CCSER1: variants seen among roughly 807,000 people sequenced by gnomAD.
CCSER1 encodes the protein serine-rich coiled-coil domain-containing protein 1.
In CCSER1, 41 loss-of-function variants were observed where a neutral mutation model predicts 82.0. The observed-to-expected ratio is 0.50, with a 90% CI of 0.39 to 0.65. CCSER1 has a LOEUF of 0.65. Ranked by LOEUF, CCSER1 falls within the 30% of genes least tolerant of loss-of-function variation. CCSER1 has a pLI of 0.00. For missense variants in CCSER1, 1,119 were observed against 1,064.2 expected (o/e 1.05, Z -0.72); for synonymous variants, 414 against 383.9 (o/e 1.08, Z -0.92).
chr4:91,231,546 G>C (rs1018883677), intron 10 of CCSER1, among the ~76,000 whole-genome samples: 1 of 151,576 alleles, frequency 6.6e-6, no homozygotes, highest in African/African-American at 2.4e-5. Flanking sequence ...GAGTAGAGAA[G>C]GTGTTGTAGA....
chr4:90,324,063 C>G (rs1211515157), intron 3 of CCSER1, among the ~76,000 whole-genome samples: 1 of 152,144 alleles, frequency 6.6e-6, no homozygotes, highest in African/African-American at 2.4e-5. Flanking sequence ...TTGATCCAGT[C>G]TATCATGGTT....
chr4:91,597,614 TTAATA>T (rs1168291108), intron 10 of CCSER1, among the ~76,000 whole-genome samples: 14 of 152,248 alleles, frequency 9.2e-5, no homozygotes, highest in African/African-American at 3.1e-4. Flanking sequence ...ATTAGTAATA[TTAATA>T]TAAGTAATAT....
chr4:90,997,813 G>T (rs977565995), intron 9 of CCSER1, among the ~76,000 whole-genome samples: 1 of 152,046 alleles, frequency 6.6e-6, no homozygotes, highest in Non-Finnish European at 1.5e-5. Flanking sequence ...CTTTACAAAG[G>T]CTACACTGAG....
chr4:91,192,040 C>T (rs76038667), intron 10 of CCSER1, among the ~76,000 whole-genome samples: 2,716 of 152,182 alleles, frequency 0.018, 61 homozygotes, highest in African/African-American at 0.053. Flanking sequence ...TCTTCTACAG[C>T]AAATTGACTT....
At chr4:91,165,062 T>C (rs1170668298) in intron 10 of CCSER1, among the ~76,000 whole-genome samples, 1 of 152,230 alleles carries the variant, frequency 6.6e-6, no homozygotes, top group Non-Finnish European at 1.5e-5. Flanking sequence ...TCCCCATCTT[T>C]GTGGTTTTAT....
chr4:91,411,483 C>CATATATAT (rs1292774196), intron 10 of CCSER1, among the ~76,000 whole-genome samples: 3 of 69,246 alleles, frequency 4.3e-5, no homozygotes, highest in Non-Finnish European at 5.6e-5. Context: ...TAAATTTCTG[C>CATATATAT]ATATATACAT....
chr4:90,363,549 C>G (rs1025443850), intron 3 of CCSER1, among the ~76,000 whole-genome samples: 3 of 151,874 alleles, frequency 2.0e-5, no homozygotes, highest in African/African-American at 7.3e-5. Context: ...GACTACTTAT[C>G]CAAATGCAAC....
chr4:90,388,262 CAA>C (rs1750395279), intron 3 of CCSER1, among the ~76,000 whole-genome samples: 1 of 151,968 alleles, frequency 6.6e-6, no homozygotes. Flanking sequence ...TTATTTGACA[CAA>C]GAGTGACATA....
chr4:91,496,573 T>C lies in CCSER1; in HGVS notation c.2218-101999T>C. ...AGTTGGCATAAATCTTGTATATATA[T>C]ATATATATATATACACGAATATATA... On this transcript the variant is annotated intron_variant, in intron 10 of 10. Coordinates refer to ENST00000509176, the MANE Select transcript of CCSER1 (RefSeq NM_001145065.2). 2.5e-5 allele frequency among the ~76,000 whole-genome samples: 2 copies of C among 78,932 alleles called. 1 individual carries two copies. The highest frequency in any genetic ancestry group is 5.5e-5 in the Non-Finnish European group (2 of 36,656). The allele number at this position is 78,932 out of a possible 152,430, so 51.8% of individuals were successfully genotyped here. A position where few individuals can be genotyped will look rare whatever the true frequency, so the allele number is the denominator to read the frequency against.
In CCSER1 at chr4:90,613,426, G is replaced by C. The variant is rs2148833699; in HGVS notation, c.1725-14599G>C. Among the ~76,000 whole-genome samples the C allele has an allele frequency of 2.0e-5, 3 of 152,200 alleles. No individual in the cohort carries two copies. The South Asian group carries it at 6.2e-4, about 32-fold the overall frequency. ...AAATGTAGTATCCTTTCAAGAGGTG[G>C]GCATCTCACAAGTTCATGAATCTGA... On this transcript the variant is annotated intron_variant, in intron 5 of 10. Transcript: ENST00000509176.
chr4:90,938,106 G>A (rs539666368), intron 9 of CCSER1, among the ~76,000 whole-genome samples: 134 of 152,086 alleles, frequency 8.8e-4, no homozygotes, highest in Non-Finnish European at 1.4e-3. Context: ...TGTAAAAAGG[G>A]TGACATATTT....
chr4:90,343,017 T>C lies in CCSER1; in HGVS notation c.1509+29970T>C, dbSNP rs573228701. ...GCCTCTCTTCTTCTTCACTGCATTTTCCCCCAAATGATTTAATTAACTTCA... is the reference window on the plus strand; with the variant it reads ...GCCTCTCTTCTTCTTCACTGCATTTCCCCCCAAATGATTTAATTAACTTCA... On this transcript the variant is annotated intron_variant, in intron 3 of 10. Coordinates refer to ENST00000509176, the MANE Select transcript of CCSER1 (RefSeq NM_001145065.2). Among the ~76,000 whole-genome samples, 30 of 151,990 alleles carry C rather than the reference T, an allele frequency of 2.0e-4. 1 individual carries two copies. In the South Asian group the frequency reaches 4.4e-3, roughly 22 times the overall value.
chr4:91,489,265 A>G (rs1043339237), intron 10 of CCSER1, among the ~76,000 whole-genome samples: 1 of 152,166 alleles, frequency 6.6e-6, no homozygotes, highest in Non-Finnish European at 1.5e-5. Flanking sequence ...AATGTAGATG[A>G]GTAAGAGCAG....
chr4:90,214,178 A>G (rs1297410780), intron 1 of CCSER1, among the ~76,000 whole-genome samples: 2 of 152,138 alleles, frequency 1.3e-5, no homozygotes, highest in Non-Finnish European at 2.9e-5. Flanking sequence ...CTGGCCTTGG[A>G]TAGACACAGG....
At chr4:90,482,727 A>T (rs913453544) in intron 5 of CCSER1, among the ~76,000 whole-genome samples, 2 of 152,026 alleles carry the variant, frequency 1.3e-5, no homozygotes, top group African/African-American at 4.8e-5. Context: ...TTGCACTGTG[A>T]TCTGAGAGAC....
At chr4:91,424,852 G>T (rs187030636) in intron 10 of CCSER1, among the ~76,000 whole-genome samples, 41 of 152,148 alleles carry the variant, frequency 2.7e-4, no homozygotes, top group African/African-American at 8.4e-4. Context: ...TGTAGAAAAA[G>T]AAAATGTTTT....
chr4:91,565,026 T>TTGTGTGTG (rs56723869), intron 10 of CCSER1, among the ~76,000 whole-genome samples: 18 of 131,122 alleles, frequency 1.4e-4, no homozygotes, highest in South Asian at 1.2e-3. Context: ...GCACCTTGAG[T>TTGTGTGTG]TGTGTGTGTG....
chr4:90,443,508 G>A (rs1238812426), intron 4 of CCSER1, among the ~76,000 whole-genome samples: 1 of 152,056 alleles, frequency 6.6e-6, no homozygotes, highest in South Asian at 2.1e-4. Flanking sequence ...CTCAGAATGG[G>A]GTTATTTCTG....
chr4:90,329,297 G>T (rs1237871708), intron 3 of CCSER1, among the ~76,000 whole-genome samples: 1 of 152,046 alleles, frequency 6.6e-6, no homozygotes, highest in African/African-American at 2.4e-5. Context: ...TAATAATACT[G>T]CCCACCTCAT....
Sources: allele counts gnomAD v4.1 joint callset (sites outside exome capture counted in the v4.1 genomes callset), GRCh38; gene constraint gnomAD v4.1.1; transcripts MANE v1.5; gene names NCBI Gene and HGNC (gene_info 2026-07-23, HGNC 2026-07-21).